The following GPATCH2 variants were observed in gnomAD, a reference collection of about 807,000 sequenced individuals.
GPATCH2 encodes G patch domain-containing protein 2.
In GPATCH2, 51 loss-of-function variants were observed where a neutral mutation model predicts 58.0. The ratio of observed to expected loss-of-function variants is 0.88; its 90% CI spans 0.70 to 1.11. The LOEUF (loss-of-function observed/expected upper bound fraction) is 1.11, where lower values mean the gene tolerates loss of function less well. Among genes scored for constraint, GPATCH2 ranks in the 50% most tolerant of loss-of-function variants. The pLI, the probability that GPATCH2 is intolerant of heterozygous loss-of-function variation, is 0.00. For missense variants in GPATCH2, 625 were observed against 652.2 expected, an observed-to-expected ratio of 0.96 and a Z score of 0.45; for synonymous variants, 222 against 218.5, an observed-to-expected ratio of 1.02 and a Z score of -0.14.
At chr1:217,565,741 T>A (rs191639877) in intron 5 of GPATCH2, among the ~76,000 whole-genome samples, 89 of 139,522 alleles carry the variant, frequency 6.4e-4, no homozygotes, top group Middle Eastern at 3.6e-3. Flanking sequence ...ACTTAACGTA[T>A]AAATAAAACG....
intron 5 of GPATCH2, among the ~76,000 whole-genome samples, chr1:217,516,682 A>G (rs1427671275): frequency 6.6e-6 from 1 of 152,190 alleles, no homozygotes; most frequent in Non-Finnish European, 1.5e-5. Context: ...AGTATGTTCT[A>G]TGTACAGGCA....
chr1:217,481,226 T>C (rs1455382925), intron 8 of GPATCH2, among the ~76,000 whole-genome samples: 1 of 152,230 alleles, frequency 6.6e-6, no homozygotes, highest in East Asian at 1.9e-4. Context: ...AATGTGATTA[T>C]TATGCATTGC....
intron 5 of GPATCH2, among the ~76,000 whole-genome samples, chr1:217,582,250 G>C (rs1433110875): frequency 6.6e-6 from 1 of 152,028 alleles, no homozygotes; most frequent in Non-Finnish European, 1.5e-5. Context: ...AAGTTGAAAA[G>C]TTACTTGTAC....
At chr1:217,615,981 G>C (rs1668867131) in intron 2 of GPATCH2, among the ~76,000 whole-genome samples, 1 of 152,074 alleles carries the variant, frequency 6.6e-6, no homozygotes, top group Non-Finnish European at 1.5e-5. Context: ...TTGACTAAAA[G>C]TAATGTGATA....
At chr1:217,593,078 T>C (rs1667666890) in intron 5 of GPATCH2, among the ~76,000 whole-genome samples, 2 of 152,016 alleles carry the variant, frequency 1.3e-5, no homozygotes, top group Non-Finnish European at 2.9e-5. Context: ...GGACTGTATT[T>C]AAGTTCAAGT....
chr1:217,615,738 A>G (rs1668854566), intron 2 of GPATCH2, among the ~76,000 whole-genome samples: 1 of 152,188 alleles, frequency 6.6e-6, no homozygotes, highest in South Asian at 2.1e-4. Context: ...AAAACAGATT[A>G]ATATATTTCT....
intron 8 of GPATCH2, among the ~76,000 whole-genome samples, chr1:217,461,731 A>T (rs938353678): frequency 6.6e-6 from 1 of 152,184 alleles, no homozygotes; most frequent in Non-Finnish European, 1.5e-5. Flanking sequence ...TAAGCTTGTT[A>T]ACTGAAGCTA....
intron 8 of GPATCH2, among the ~76,000 whole-genome samples, chr1:217,473,155 G>A (rs1360839510): frequency 6.6e-6 from 1 of 152,134 alleles, no homozygotes; most frequent in Non-Finnish European, 1.5e-5. Context: ...TGTGGCACAT[G>A]AGTGTGTTCT....
intron 7 of GPATCH2, chr1:217,498,042 G>A (rs1662097907): frequency 2.2e-6 from 1 of 461,126 alleles, no homozygotes; most frequent in Admixed American, 3.8e-5. Context: ...CACATGTACT[G>A]TTTTGATACC....
At chr1:217,442,714 T>C (rs1659201492) in intron 9 of GPATCH2, among the ~76,000 whole-genome samples, 1 of 152,184 alleles carries the variant, frequency 6.6e-6, no homozygotes, top group Non-Finnish European at 1.5e-5. Flanking sequence ...TTTCTTTGGC[T>C]AATATTTAAA....
At chr1:217,532,383 G>A (rs1276846693) in intron 5 of GPATCH2, among the ~76,000 whole-genome samples, 1 of 152,104 alleles carries the variant, frequency 6.6e-6, no homozygotes, top group African/African-American at 2.4e-5. Context: ...CCACCTACCT[G>A]ACAAGTAGCA....
intron 9 of GPATCH2, among the ~76,000 whole-genome samples, chr1:217,435,404 G>C (rs1173796090): frequency 1.3e-5 from 2 of 152,052 alleles, no homozygotes; most frequent in Non-Finnish European, 2.9e-5. Flanking sequence ...ATCTTGTATC[G>C]GCCTCTCTTA....
chr1:217,509,296 G>A (rs879461009), intron 6 of GPATCH2, among the ~76,000 whole-genome samples: 4 of 151,996 alleles, frequency 2.6e-5, no homozygotes, highest in Admixed American at 1.3e-4. Flanking sequence ...CACCAAGATC[G>A]CGCCACTGCA....
At chr1:217,481,102 C>G (rs971918149) in intron 8 of GPATCH2, among the ~76,000 whole-genome samples, 1 of 151,986 alleles carries the variant, frequency 6.6e-6, no homozygotes, top group African/African-American at 2.4e-5. Flanking sequence ...GATAGGACAA[C>G]AAGTGACTAT....
intron 8 of GPATCH2, among the ~76,000 whole-genome samples, chr1:217,461,439 G>A (rs545644107): frequency 6.6e-5 from 10 of 152,228 alleles, no homozygotes; most frequent in Admixed American, 5.2e-4. Flanking sequence ...TAGCCAGACT[G>A]TATATTCCTT....
intron 9 of GPATCH2, among the ~76,000 whole-genome samples, chr1:217,436,972 C>T (rs979682298): frequency 2.6e-5 from 4 of 152,174 alleles, no homozygotes; most frequent in Admixed American, 2.6e-4. Context: ...CTCCAGTCTG[C>T]AGCTCCCAGC....
intron 8 of GPATCH2, among the ~76,000 whole-genome samples, chr1:217,450,401 T>TA (rs1659605527): frequency 6.6e-6 from 1 of 152,132 alleles, no homozygotes; most frequent in African/African-American, 2.4e-5. Context: ...GGTATATATT[T>TA]AAACACATAT....
chr1:217,561,666 T>C (rs1196054605), intron 5 of GPATCH2, among the ~76,000 whole-genome samples: 1 of 152,180 alleles, frequency 6.6e-6, no homozygotes, highest in East Asian at 1.9e-4. Context: ...TCCTCTGAGA[T>C]AAATGTGGTT....
chr1:217,579,944 T>C (rs868153809), intron 5 of GPATCH2, among the ~76,000 whole-genome samples: 20 of 152,198 alleles, frequency 1.3e-4, no homozygotes, highest in African/African-American at 4.6e-4. Flanking sequence ...TAGCCACTAG[T>C]TATATGTGGC....
Sources: gnomAD v4.1 joint callset for allele counts (sites outside exome capture counted in the v4.1 genomes callset) on GRCh38, gnomAD v4.1.1 for gene constraint, MANE v1.5 for transcripts, NCBI Gene and HGNC (gene_info 2026-07-23, HGNC 2026-07-21) for gene names.